EBLN1: variants seen among roughly 807,000 people sequenced by gnomAD.
The protein encoded by EBLN1 is endogenous Bornavirus-like nucleoprotein 1.
A neutral mutation model predicts 0.8 loss-of-function variants in EBLN1; 1 was observed. That is an observed-to-expected ratio of 1.32 (90% CI 0.47 to 6.26). The LOEUF (loss-of-function observed/expected upper bound fraction) is 6.26. Ranked by LOEUF, EBLN1 falls within the 30% of genes most tolerant of loss-of-function variation. The pLI is 0.15. For missense variants in EBLN1, 396 were observed against 447.9 expected (o/e 0.88, Z 1.05); for synonymous variants, 158 against 158.5 (o/e 1.00, Z 0.02).
intron 2 of EBLN1, among the ~76,000 whole-genome samples, chr10:22,211,906 GTGTTTTACCA>G (rs1489108633): frequency 1.3e-5 from 2 of 152,126 alleles, no homozygotes; most frequent in East Asian, 3.8e-4. Context: ...AAAGCTGCTT[GTGTTTTACCA>G]TGTCCCTTCT....
chr10:22,209,945 T>A lies in EBLN1; in HGVS notation c.39A>T (p.Pro13=), dbSNP rs1298424169. ...TGCTCCCATCCTTTGTACTGTCTTG[T>A]GGGCTGCTGGTCTGTGGGTTGTTTC... is the stretch of plus-strand genomic sequence containing the variant. ...RPRNNPQTSS[P]QDSTKDGSSF... is the part of the protein sequence containing the mutation. The change falls in exon 3 of 3, where the codon CCA becomes CCT. Residue 13 remains proline, a synonymous_variant. Transcript: ENST00000422359. The A allele has an allele frequency of 2.1e-6, 3 of 1,439,632 alleles. No individual in the cohort carries two copies. Among genetic ancestry groups the A allele is most frequent in the Non-Finnish European group, 2.7e-6 (3 of 1,102,074 alleles). 89.2% of individuals were successfully genotyped at this position (1,439,632 alleles called of 1,614,324 possible). A position where few individuals can be genotyped will look rare whatever the true frequency, so the allele number is the denominator to read the frequency against.
In EBLN1 at chr10:22,209,757, G is replaced by A. The variant is rs1372193616; in HGVS notation, c.227C>T (p.Thr76Ile). The A allele has an allele frequency of 2.6e-6, 4 of 1,535,934 alleles. No homozygotes were observed. In the African/African-American group the frequency reaches 5.5e-5, roughly 21 times the overall value. ...AAAACACAAAAATACTAAGCTTGGG[G>A]TTACAAGGTAAAAATGAGATCTCTG... Reference protein sequence around the residue: ...PAQRSHFYLVTPSLVFLCFIF... With the variant: ...PAQRSHFYLVIPSLVFLCFIF... Residue 76 changes from threonine to isoleucine, a missense_variant, in exon 3 of 3, where the codon ACC (threonine) becomes ATC (isoleucine). Coordinates refer to ENST00000422359, the MANE Select transcript of EBLN1 (RefSeq NM_001394757.1).
In EBLN1 at chr10:22,212,858, T is replaced by C. The variant is rs970907126; in HGVS notation, c.-61A>G. On this transcript the variant is annotated 5_prime_UTR_variant, in exon 2 of 3. Transcript: ENST00000422359. ...GGCACGTACCTGCAGTCCTAGCTAC[T>C]TTGGAGGCTGAGGTAGGAGGATTGC... Among the ~76,000 whole-genome samples the C allele has an allele frequency of 2.0e-5, 3 of 151,334 alleles. No homozygotes were observed. The highest frequency in any genetic ancestry group is 4.9e-5 in the African/African-American group (2 of 41,168).
chr10:22,214,706 A>T (rs757895995), intron 1 of EBLN1, among the ~76,000 whole-genome samples: 6 of 152,180 alleles, frequency 3.9e-5, no homozygotes, highest in African/African-American at 1.2e-4. Flanking sequence ...TAACATGCAT[A>T]AAAGGAGGTA....
chr10:22,216,365 T>A (rs1477625706), intron 1 of EBLN1, among the ~76,000 whole-genome samples: 1 of 152,206 alleles, frequency 6.6e-6, no homozygotes, highest in Non-Finnish European at 1.5e-5. Flanking sequence ...ATATTTACAG[T>A]AAACATTTAG....
intron 1 of EBLN1, among the ~76,000 whole-genome samples, chr10:22,216,987 T>G (rs764692186): frequency 2.0e-4 from 31 of 152,210 alleles, no homozygotes; most frequent in Non-Finnish European, 4.0e-4. Context: ...CTGCATCATT[T>G]TACCTTGACT....
rs1363303442 is a variant in EBLN1 at position 22,209,824 on chromosome 10, T to C, written c.160A>G (p.Lys54Glu). 21 of 1,532,890 alleles carry C rather than the reference T, an allele frequency of 1.4e-5. No individual in the cohort carries two copies. Among genetic ancestry groups the C allele is most frequent in the East Asian group, 4.9e-5 (2 of 40,910 alleles). The allele number at this position is 1,532,890 out of a possible 1,614,324, so 95.0% of individuals were successfully genotyped here. The change falls in exon 3 of 3, where the codon AAG (lysine) becomes GAG (glutamate). Residue 54 changes from lysine to glutamate, a missense_variant. Coordinates refer to ENST00000422359, the MANE Select transcript of EBLN1 (RefSeq NM_001394757.1). ...LEPQPGIGDV[K>E]VIEKATKSML... ...GACTTAGTTGCTTTTTCAATGACCT[T>C]AACATCTCCAATACCAGGTTGGGGC... is the stretch of plus-strand genomic sequence containing the variant.
rs907139525 is a variant in EBLN1, at chr10:22,210,636, G to C, written c.-44-609C>G. ...AAAGTACTACTGCCATATTTGTCTA[G>C]GATATTGCTCAGGGCATCTTTTGAA... On this transcript the variant is annotated intron_variant, in intron 2 of 2. Coordinates refer to ENST00000422359, the MANE Select transcript of EBLN1 (RefSeq NM_001394757.1). Among the ~76,000 whole-genome samples the C allele has an allele frequency of 7.9e-5, 12 of 152,190 alleles. 1 individual carries two copies. The highest frequency in any genetic ancestry group is 1.6e-4 in the Non-Finnish European group (11 of 68,036).
chr10:22,217,040 C>T (rs1421028160), intron 1 of EBLN1, among the ~76,000 whole-genome samples: 1 of 152,180 alleles, frequency 6.6e-6, no homozygotes, highest in Non-Finnish European at 1.5e-5. Flanking sequence ...CCCTCTCACG[C>T]TTATTACAAT....
chr10:22,209,220 G>A lies in EBLN1; in HGVS notation c.764C>T (p.Pro255Leu), dbSNP rs771897402. 1 of 1,544,986 alleles carries A rather than the reference G, an allele frequency of 6.5e-7. No homozygotes were observed. The highest frequency in any genetic ancestry group is 8.7e-7 in the Non-Finnish European group (1 of 1,152,070). The change falls in exon 3 of 3, where the codon CCC (proline) becomes CTC (leucine). Residue 255 changes from proline (P) to leucine (L), a missense_variant. Coordinates refer to ENST00000422359, the MANE Select transcript of EBLN1 (RefSeq NM_001394757.1). ...AACTGGAATCTCCAACACAACAGCG[G>A]GTAAAGCAGTGGAACCATCCACACA... ...DQCVDGSTALPAVVLEIPVFE... is the reference protein window; with the variant it reads ...DQCVDGSTALLAVVLEIPVFE...
chr10:22,209,453 A>C lies in EBLN1; in HGVS notation c.531T>G (p.His177Gln). 4 of 1,598,514 alleles carry C rather than the reference A, an allele frequency of 2.5e-6. No individual in the cohort carries two copies. Among genetic ancestry groups the C allele is most frequent in the Non-Finnish European group, 3.4e-6 (4 of 1,179,618 alleles). ...TAATTAATAAATCAGCACTTTCACTATGCAAAGGTCTTCCAATGGATATCA... is the reference window on the plus strand; with the variant it reads ...TAATTAATAAATCAGCACTTTCACTCTGCAAAGGTCTTCCAATGGATATCA... ...AMMISIGRPL[H>Q]SESADLLISY... The change falls in exon 3 of 3, where the codon CAT (histidine) becomes CAG (glutamine). Residue 177 changes from histidine (H) to glutamine (Q), a missense_variant. Physicochemically the swap from His to Gln is conservative, Grantham distance 24. Transcript: ENST00000422359.
At position 22,210,039 on chromosome 10, in the gene EBLN1, T is replaced by G; in HGVS notation, c.-44-12A>C. On this transcript the variant is annotated splice_polypyrimidine_tract_variant and intron_variant, in intron 2 of 2. Transcript: ENST00000422359. ...AATTTTGTACTGTACTAAAAAAATA[T>G]AGAGAATGGCAATACAACAAAATAT... is the stretch of plus-strand genomic sequence containing the variant. 7.7e-7 allele frequency: 1 copy of G among 1,300,154 alleles called. No homozygotes were observed. Among genetic ancestry groups the G allele is most frequent in the African/African-American group, 1.5e-5 (1 of 67,876 alleles). 80.5% of individuals were successfully genotyped at this position (1,300,154 alleles called of 1,614,324 possible).
intron 2 of EBLN1, among the ~76,000 whole-genome samples, chr10:22,211,577 C>T (rs919259803): frequency 3.3e-5 from 5 of 152,118 alleles, no homozygotes; most frequent in Admixed American, 2.6e-4. Context: ...ACAGCAGCCT[C>T]GACCTCCCTG....
rs776030219 is a variant in EBLN1 at position 22,209,196 on chromosome 10, A to T, written c.788T>A (p.Val263Asp). ...ALPAVVLEIP[V>D]FEQKKPLAKK... is the part of the protein sequence containing the mutation. ...AGCCAGTGGTTTCTTCTGCTCAAAA[A>T]CTGGAATCTCCAACACAACAGCGGG... is the stretch of plus-strand genomic sequence containing the variant. Residue 263 changes from valine to aspartate, a missense_variant, in exon 3 of 3, where the codon GTT (valine) becomes GAT (aspartate). Transcript: ENST00000422359. 405 of 1,537,420 alleles carry T rather than the reference A, an allele frequency of 2.6e-4. No individual in the cohort carries two copies. Among genetic ancestry groups the T allele is most frequent in the Admixed American group, 2.7e-4 (14 of 51,032 alleles).
chr10:22,215,065 C>T (rs838757), intron 1 of EBLN1, among the ~76,000 whole-genome samples: 48,886 of 152,018 alleles, frequency 0.32, 8,807 homozygotes, highest in African/African-American at 0.49. Flanking sequence ...ATTCCATTTA[C>T]ATAAAATATC....
Position 22,209,445 on chromosome 10 carries a change from C to G in EBLN1, c.539G>C (p.Ser180Thr). ...ATTATAGCTAATTAATAAATCAGCA[C>G]TTTCACTATGCAAAGGTCTTCCAAT... Reference protein sequence around the residue: ...ISIGRPLHSESADLLISYNAG... With the variant: ...ISIGRPLHSETADLLISYNAG... The change falls in exon 3 of 3, where the codon AGT becomes ACT. Residue 180 changes from serine (S) to threonine (T), a missense_variant. Transcript: ENST00000422359. 1 of 1,599,322 alleles carries G rather than the reference C, an allele frequency of 6.3e-7. No homozygotes were observed. The highest frequency in any genetic ancestry group is 8.5e-7 in the Non-Finnish European group (1 of 1,179,720).
At chr10:22,215,652 A>T (rs1182109990) in intron 1 of EBLN1, among the ~76,000 whole-genome samples, 1 of 152,192 alleles carries the variant, frequency 6.6e-6, no homozygotes, top group Non-Finnish European at 1.5e-5. Flanking sequence ...ACAGATATCA[A>T]GAACTTTAAA....
intron 1 of EBLN1, among the ~76,000 whole-genome samples, 30 bp downstream of exon 1, chr10:22,217,886 T>C (rs1214986412): frequency 2.0e-5 from 3 of 152,094 alleles, no homozygotes; most frequent in African/African-American, 7.2e-5. Flanking sequence ...ACTGAGTAAT[T>C]TATAAGGAAA....
intron 1 of EBLN1, among the ~76,000 whole-genome samples, chr10:22,215,900 G>A (rs1010318725): frequency 2.6e-5 from 4 of 151,890 alleles, no homozygotes; most frequent in African/African-American, 9.7e-5. Context: ...TATTAATATG[G>A]GAAAATTATT....
Sources: gnomAD v4.1 joint callset for allele counts (sites outside exome capture counted in the v4.1 genomes callset) on GRCh38, gnomAD v4.1.1 for gene constraint, MANE v1.5 for transcripts, NCBI Gene and HGNC (gene_info 2026-07-23, HGNC 2026-07-21) for gene names.